MACROD2: variants seen among roughly 807,000 people sequenced by gnomAD.
The protein encoded by MACROD2 is ADP-ribose glycohydrolase MACROD2.
MACROD2 carries 36 observed loss-of-function variants against 70.4 expected under a neutral mutation model. That is an observed-to-expected ratio of 0.51 (90% CI 0.39 to 0.68). The LOEUF is 0.68. MACROD2 is among the 30% of genes least tolerant of loss of function. The pLI, the probability that MACROD2 is intolerant of heterozygous loss-of-function variation, is 0.00. For missense variants in MACROD2, 496 were observed against 538.4 expected, an observed-to-expected ratio of 0.92 and a Z score of 0.78; for synonymous variants, 172 against 178.8, an observed-to-expected ratio of 0.96 and a Z score of 0.30.
At chr20:15,746,277 C>A (rs903031827) in intron 8 of MACROD2, among the ~76,000 whole-genome samples, 6 of 151,778 alleles carry the variant, frequency 4.0e-5, no homozygotes, top group Non-Finnish European at 8.8e-5. Context: ...TTTGATACTA[C>A]TGTAAATAAT....
chr20:15,234,991 A>G, intron 6 of MACROD2, among the ~76,000 whole-genome samples: 1 of 152,112 alleles, frequency 6.6e-6, no homozygotes, highest in East Asian at 1.9e-4. Flanking sequence ...TTCATTTTTA[A>G]AAAACTAATC....
intron 5 of MACROD2, among the ~76,000 whole-genome samples, chr20:14,705,320 C>G (rs1374573449): frequency 2.6e-5 from 4 of 152,008 alleles, no homozygotes; most frequent in African/African-American, 9.7e-5. Flanking sequence ...CGCCAAGAGC[C>G]AGGAACTCTT....
At chr20:14,262,503 A>C (rs1350726076) in intron 3 of MACROD2, among the ~76,000 whole-genome samples, 1 of 152,256 alleles carries the variant, frequency 6.6e-6, no homozygotes, top group Non-Finnish European at 1.5e-5. Context: ...AAAGTTCGGC[A>C]GAGGGCTCTC....
chr20:15,369,425 C>T (rs2045459427), intron 6 of MACROD2, among the ~76,000 whole-genome samples: 1 of 152,096 alleles, frequency 6.6e-6, no homozygotes, highest in South Asian at 2.1e-4. Context: ...CATCTATAGT[C>T]AACATGCTCT....
At chr20:14,229,715 C>T (rs1431324667) in intron 3 of MACROD2, among the ~76,000 whole-genome samples, 1 of 152,170 alleles carries the variant, frequency 6.6e-6, no homozygotes, top group Non-Finnish European at 1.5e-5. Flanking sequence ...AGTATTTACC[C>T]TGAGTTGAAG....
chr20:15,733,754 G>T (rs2050979285), intron 8 of MACROD2, among the ~76,000 whole-genome samples: 1 of 152,108 alleles, frequency 6.6e-6, no homozygotes, highest in Non-Finnish European at 1.5e-5. Context: ...ATAAATATGA[G>T]AAGTAGAATC....
At chr20:15,618,492 C>G (rs1215253283) in intron 8 of MACROD2, among the ~76,000 whole-genome samples, 1 of 152,308 alleles carries the variant, frequency 6.6e-6, no homozygotes, top group East Asian at 1.9e-4. Flanking sequence ...CAACTCCAAG[C>G]TCTAATTCAT....
intron 5 of MACROD2, among the ~76,000 whole-genome samples, chr20:15,114,921 T>C (rs568031293): frequency 6.6e-6 from 1 of 152,232 alleles, no homozygotes; most frequent in Non-Finnish European, 1.5e-5. Flanking sequence ...ATCCAAATCT[T>C]AAGAAGAATG....
chr20:14,926,843 A>G (rs1311500832), intron 5 of MACROD2, among the ~76,000 whole-genome samples: 1 of 152,156 alleles, frequency 6.6e-6, no homozygotes, highest in Non-Finnish European at 1.5e-5. Context: ...GCCAAAGGCA[A>G]TGGCTAATTA....
At chr20:15,113,874 GA>G (rs1218093241) in intron 5 of MACROD2, among the ~76,000 whole-genome samples, 4 of 151,816 alleles carry the variant, frequency 2.6e-5, no homozygotes, top group Non-Finnish European at 5.9e-5. Context: ...TTTGAAGGGG[GA>G]AAGCTCCAAA....
chr20:15,699,825 C>A (rs2050430318), intron 8 of MACROD2, among the ~76,000 whole-genome samples: 1 of 152,178 alleles, frequency 6.6e-6, no homozygotes, highest in African/African-American at 2.4e-5. Flanking sequence ...TTCCTTCTCC[C>A]TGTGGAGTTT....
chr20:14,834,959 C>A (rs539063178), intron 5 of MACROD2, among the ~76,000 whole-genome samples: 38 of 151,894 alleles, frequency 2.5e-4, no homozygotes, highest in African/African-American at 7.5e-4. Flanking sequence ...TATAGACTCT[C>A]TATATATACA....
At chr20:14,594,113 G>A (rs948186010) in intron 4 of MACROD2, among the ~76,000 whole-genome samples, 5 of 152,174 alleles carry the variant, frequency 3.3e-5, no homozygotes, top group Non-Finnish European at 1.5e-5. Flanking sequence ...GTACAAAGGA[G>A]GAGAAACTAA....
chr20:14,625,233 A>G (rs574718218), intron 4 of MACROD2, among the ~76,000 whole-genome samples: 20 of 152,254 alleles, frequency 1.3e-4, no homozygotes, highest in African/African-American at 4.6e-4. Context: ...AGGCTCAGGC[A>G]GGAGAATCAC....
At chr20:15,329,590 G>C (rs1464657678) in intron 6 of MACROD2, among the ~76,000 whole-genome samples, 1 of 151,698 alleles carries the variant, frequency 6.6e-6, no homozygotes. Context: ...AAAAAATAAA[G>C]TACATAAAAA....
In MACROD2 at chr20:15,584,871, C is replaced by G. The variant is rs928378063; in HGVS notation, c.645+85024C>G. 3.9e-5 allele frequency among the ~76,000 whole-genome samples: 6 copies of G among 152,364 alleles called. No individual in the cohort carries two copies. The East Asian group carries it at 1.2e-3, about 29-fold the overall frequency. On this transcript the variant is annotated intron_variant, in intron 8 of 17. Coordinates refer to ENST00000684519, the MANE Select transcript of MACROD2 (RefSeq NM_001351661.2). ...TTCCCTACAATGTCCCATCTCCCCC[C>G]TGACCTGTCCATGCCAGTGACTATA...
intron 5 of MACROD2, among the ~76,000 whole-genome samples, chr20:15,048,127 T>TAAA (rs1568548423): frequency 1.7e-5 from 2 of 117,884 alleles, no homozygotes; most frequent in Non-Finnish European, 3.9e-5. Context: ...TAATAAAAAA[T>TAAA]TAGCCAGGTG....
chr20:14,575,111 T>G (rs1456893199), intron 4 of MACROD2, among the ~76,000 whole-genome samples: 4 of 151,872 alleles, frequency 2.6e-5, no homozygotes, highest in African/African-American at 9.7e-5. Context: ...GCAAAGAGTT[T>G]TGTTTATTGT....
At chr20:15,000,600 G>A (rs965295102) in intron 5 of MACROD2, among the ~76,000 whole-genome samples, 8 of 115,536 alleles carry the variant, frequency 6.9e-5, no homozygotes, top group Middle Eastern at 4.6e-3. Flanking sequence ...TCCGCAGTCC[G>A]GCCTGGGCGA....
Sources: gnomAD v4.1 joint callset for allele counts (sites outside exome capture counted in the v4.1 genomes callset) on GRCh38, gnomAD v4.1.1 for gene constraint, MANE v1.5 for transcripts, NCBI Gene and HGNC (gene_info 2026-07-23, HGNC 2026-07-21) for gene names.